Variants in ANKS1B observed in about 807,000 individuals in gnomAD.
ANKS1B encodes the protein ankyrin repeat and sterile alpha motif domain containing 1B.
In ANKS1B, 36 loss-of-function variants were observed where a neutral mutation model predicts 148.3. That is an observed-to-expected ratio of 0.24 (90% CI 0.19 to 0.32). The LOEUF (loss-of-function observed/expected upper bound fraction) is 0.32, where lower values mean the gene tolerates loss of function less well. Among genes scored for constraint, ANKS1B ranks in the 10% least tolerant of loss-of-function variants. The pLI, the probability that ANKS1B is intolerant of heterozygous loss-of-function variation, is 1.00. For missense variants in ANKS1B, 1,157 were observed against 1,542.6 expected, an observed-to-expected ratio of 0.75 and a Z score of 4.19; for synonymous variants, 542 against 560.8, an observed-to-expected ratio of 0.97 and a Z score of 0.47.
At chr12:99,371,166 C>T (rs2093111801) in intron 12 of ANKS1B, among the ~76,000 whole-genome samples, 1 of 152,014 alleles carries the variant, frequency 6.6e-6, no homozygotes, top group Admixed American at 6.6e-5. Flanking sequence ...CTTTGTATGG[C>T]ATTTAGAGCC....
chr12:99,023,010 T>C (rs759892621), intron 17 of ANKS1B, among the ~76,000 whole-genome samples: 1 of 152,232 alleles, frequency 6.6e-6, no homozygotes, highest in African/African-American at 2.4e-5. Flanking sequence ...AATCTGTTAA[T>C]GTAATGAATT....
At chr12:99,805,985 AC>A (rs2067596835) in intron 4 of ANKS1B, among the ~76,000 whole-genome samples, 1 of 152,204 alleles carries the variant, frequency 6.6e-6, no homozygotes, top group African/African-American at 2.4e-5. Context: ...ATCCCAAAGG[AC>A]AGTTGTGAGA....
At chr12:99,869,327 A>G (rs1304086671) in intron 1 of ANKS1B, among the ~76,000 whole-genome samples, 2 of 152,080 alleles carry the variant, frequency 1.3e-5, no homozygotes, top group Non-Finnish European at 2.9e-5. Flanking sequence ...CACAAAGATA[A>G]ATGCATGAAC....
Position 99,513,037 on chromosome 12 carries a change from C to T in ANKS1B, c.1273-8396G>A, listed in dbSNP as rs117117260. On this transcript the variant is annotated intron_variant, in intron 9 of 26. Transcript: ENST00000683438. Reference sequence around the variant, plus strand: ...AAACTTGCACATCCTGCACATGTACCCTGGAACTTAAAAGTTGAAAGAAAA... The same window carrying T: ...AAACTTGCACATCCTGCACATGTACTCTGGAACTTAAAAGTTGAAAGAAAA... Among the ~76,000 whole-genome samples, 1,235 of 151,718 alleles carry T rather than the reference C, an allele frequency of 8.1e-3. 17 individuals are homozygous for T. The highest frequency in any genetic ancestry group is 0.012 in the Non-Finnish European group (824 of 67,862).
intron 11 of ANKS1B, among the ~76,000 whole-genome samples, chr12:99,414,723 C>T (rs1419142201): frequency 1.3e-5 from 2 of 152,136 alleles, no homozygotes; most frequent in Non-Finnish European, 2.9e-5. Context: ...AGGAGAAATA[C>T]CTAACGTAAA....
downstream of ANKS1B, among the ~76,000 whole-genome samples, chr12:98,741,126 G>T (rs1188491368): frequency 6.6e-6 from 1 of 152,134 alleles, no homozygotes; most frequent in Admixed American, 6.5e-5. Context: ...TGTTATTGCT[G>T]GTCTTTGCTA....
chr12:99,775,976 T>C (rs879859596), intron 6 of ANKS1B, among the ~76,000 whole-genome samples: 3 of 152,178 alleles, frequency 2.0e-5, no homozygotes, highest in Non-Finnish European at 2.9e-5. Context: ...AATAAACTCC[T>C]TGGTCTCCTT....
intron 1 of ANKS1B, among the ~76,000 whole-genome samples, chr12:99,961,895 A>T (rs2095417017): frequency 6.6e-6 from 1 of 152,196 alleles, no homozygotes. Context: ...AGGACACCAT[A>T]AAAACAGAAA....
intron 1 of ANKS1B, among the ~76,000 whole-genome samples, chr12:99,934,586 T>C (rs1356167555): frequency 6.6e-6 from 1 of 152,168 alleles, no homozygotes; most frequent in Non-Finnish European, 1.5e-5. Flanking sequence ...TAATGATCTT[T>C]TGAATTTCTG....
chr12:99,664,586 G>C lies in ANKS1B; in HGVS notation c.1129-9376C>G, dbSNP rs1409516709. Among the ~76,000 whole-genome samples, 2 of 152,020 alleles carry C rather than the reference G, an allele frequency of 1.3e-5. 1 individual carries two copies. Among genetic ancestry groups the C allele is most frequent in the African/African-American group, 4.8e-5 (2 of 41,412 alleles). On this transcript the variant is annotated intron_variant, in intron 8 of 26. Coordinates refer to ENST00000683438, the MANE Select transcript of ANKS1B (RefSeq NM_001352186.2). ...AAAGGAGAAGAAAGGGGAGAGTAAA[G>C]AAAGAAAGAAAAGATGACATGCACC...
At chr12:98,880,629 G>T (rs969518382) in intron 17 of ANKS1B, among the ~76,000 whole-genome samples, 1 of 152,072 alleles carries the variant, frequency 6.6e-6, no homozygotes, top group Non-Finnish European at 1.5e-5. Flanking sequence ...TTAGCTGGGC[G>T]TGGTGGCGGG....
rs61494823 is a variant in ANKS1B at position 99,831,915 on chromosome 12, G to A, written c.135-6526C>T. Among the ~76,000 whole-genome samples, 1,206 of 152,130 alleles carry A rather than the reference G, an allele frequency of 7.9e-3. 16 individuals carry two copies. Among genetic ancestry groups the A allele is most frequent in the African/African-American group, 0.027 (1,140 of 41,514 alleles). ...AAATGGAAAAACAGGATATTAACAGGCAATTCACAGAAAAGGAAATGTGAA... is the reference window on the plus strand; with the variant it reads ...AAATGGAAAAACAGGATATTAACAGACAATTCACAGAAAAGGAAATGTGAA... On this transcript the variant is annotated intron_variant, in intron 1 of 26. Coordinates refer to ENST00000683438, the MANE Select transcript of ANKS1B (RefSeq NM_001352186.2).
chr12:99,481,782 A>G (rs1054400109), intron 10 of ANKS1B, among the ~76,000 whole-genome samples: 1 of 151,932 alleles, frequency 6.6e-6, no homozygotes, highest in African/African-American at 2.4e-5. Context: ...GTGATGCTGA[A>G]CATTTTTTTC....
chr12:99,372,207 G>C (rs7134834), intron 12 of ANKS1B, among the ~76,000 whole-genome samples: 19,005 of 151,996 alleles, frequency 0.13, 1,254 homozygotes, highest in African/African-American at 0.17. Flanking sequence ...TTCATGATGG[G>C]GGAGGCTGTG....
intron 17 of ANKS1B, among the ~76,000 whole-genome samples, chr12:98,928,973 G>C (rs2099811371): frequency 6.6e-6 from 1 of 151,864 alleles, no homozygotes; most frequent in Non-Finnish European, 1.5e-5. Flanking sequence ...AATGCATCTA[G>C]CTTGAAAAGG....
At chr12:99,294,880 T>C (rs1216868323) in intron 12 of ANKS1B, among the ~76,000 whole-genome samples, 2 of 152,198 alleles carry the variant, frequency 1.3e-5, no homozygotes, top group African/African-American at 2.4e-5. Context: ...CTCAATCTCC[T>C]GATTTCAGGT....
intron 14 of ANKS1B, among the ~76,000 whole-genome samples, chr12:99,166,535 A>G (rs12367364): frequency 0.022 from 3,304 of 152,070 alleles, 40 homozygotes; most frequent in Non-Finnish European, 0.037. Context: ...CAGCACCAAA[A>G]CTATGAAATT....
At chr12:99,439,301 A>G (rs2095511429) in intron 11 of ANKS1B, among the ~76,000 whole-genome samples, 1 of 151,746 alleles carries the variant, frequency 6.6e-6, no homozygotes, top group South Asian at 2.1e-4. Context: ...AAAATGATAC[A>G]TCTGACATAA....
chr12:99,876,157 G>T (rs577191218), intron 1 of ANKS1B, among the ~76,000 whole-genome samples: 3 of 152,224 alleles, frequency 2.0e-5, no homozygotes, highest in East Asian at 3.9e-4. Context: ...CAACTTTTAC[G>T]TGATATTTAC....
Sources: gnomAD v4.1 joint callset for allele counts (sites outside exome capture counted in the v4.1 genomes callset) on GRCh38, gnomAD v4.1.1 for gene constraint, MANE v1.5 for transcripts, NCBI Gene and HGNC (gene_info 2026-07-23, HGNC 2026-07-21) for gene names.